The following SLC25A21 variants were observed in gnomAD, a reference collection of about 807,000 sequenced individuals.
SLC25A21 encodes solute carrier family 25 member 21, also known as mitochondrial 2-oxodicarboxylate carrier.
Under a neutral mutation model 43.8 loss-of-function variants are expected in SLC25A21, and 47 were observed. That is an observed-to-expected ratio of 1.07 (90% CI 0.85 to 1.37). SLC25A21 has a LOEUF of 1.37. Among genes scored for constraint, SLC25A21 ranks in the 40% most tolerant of loss-of-function variants. The probability of loss-of-function intolerance (pLI) is 0.00; values close to 1 mark genes in which losing one functional copy is unlikely to be tolerated. For synonymous variants in SLC25A21, 131 were observed against 121.3 expected, an observed-to-expected ratio of 1.08 and a Z score of -0.52; for missense variants, 352 against 350.2, an observed-to-expected ratio of 1.00 and a Z score of -0.04.
At chr14:36,929,353 T>A (rs1159994906) in intron 1 of SLC25A21, among the ~76,000 whole-genome samples, 1 of 152,204 alleles carries the variant, frequency 6.6e-6, no homozygotes, top group Non-Finnish European at 1.5e-5. Context: ...AACTAGTTTT[T>A]AACAGAGCCT....
At chr14:37,146,966 AT>A (rs1478363340) in intron 1 of SLC25A21, among the ~76,000 whole-genome samples, 1 of 152,154 alleles carries the variant, frequency 6.6e-6, no homozygotes, top group African/African-American at 2.4e-5. Flanking sequence ...TCCAACCTTA[AT>A]GCCTCCTAAT....
At chr14:37,047,819 G>GT (rs1326067600) in intron 1 of SLC25A21, among the ~76,000 whole-genome samples, 1 of 152,128 alleles carries the variant, frequency 6.6e-6, no homozygotes, top group Non-Finnish European at 1.5e-5. Flanking sequence ...GATTTCCAAT[G>GT]TATCACCCAC....
chr14:37,146,888 T>G lies in SLC25A21; in HGVS notation c.70+25393A>C, dbSNP rs562944976. 8.5e-5 allele frequency among the ~76,000 whole-genome samples: 13 copies of G among 152,332 alleles called. 1 individual carries two copies. The South Asian group carries it at 2.5e-3, about 29-fold the overall frequency. Reference sequence around the variant, plus strand: ...CAAAACATAAAAAATGCAGGTATTTTCCAATCTAGAAATAGTTAATTTGCT... The same window carrying G: ...CAAAACATAAAAAATGCAGGTATTTGCCAATCTAGAAATAGTTAATTTGCT... On this transcript the variant is annotated intron_variant, in intron 1 of 9. Coordinates refer to ENST00000331299, the MANE Select transcript of SLC25A21 (RefSeq NM_030631.4).
chr14:37,152,386 A>AATTT (rs10634222), intron 1 of SLC25A21, among the ~76,000 whole-genome samples: 1 of 140,714 alleles, frequency 7.1e-6, no homozygotes, highest in African/African-American at 2.7e-5. Flanking sequence ...TTTTATTTCA[A>AATTT]TTTTTTTTTT....
At chr14:37,160,528 G>A (rs1455558086) in intron 1 of SLC25A21, among the ~76,000 whole-genome samples, 1 of 152,174 alleles carries the variant, frequency 6.6e-6, no homozygotes, top group Non-Finnish European at 1.5e-5. Flanking sequence ...TGAACGCATG[G>A]AAGTAGAGTA....
At chr14:36,825,772 A>C (rs989050858) in intron 2 of SLC25A21, among the ~76,000 whole-genome samples, 3 of 152,204 alleles carry the variant, frequency 2.0e-5, no homozygotes, top group Non-Finnish European at 4.4e-5. Context: ...AATTAAACAT[A>C]ATGCATGCTT....
At chr14:36,833,713 A>G (rs2138484846) in intron 2 of SLC25A21, among the ~76,000 whole-genome samples, 1 of 152,350 alleles carries the variant, frequency 6.6e-6, no homozygotes, top group Admixed American at 6.5e-5. Context: ...AAGCAATAGT[A>G]AAAAGAATGT....
chr14:36,681,827 G>T (rs965898076), intron 9 of SLC25A21, among the ~76,000 whole-genome samples: 6 of 152,026 alleles, frequency 3.9e-5, no homozygotes, highest in African/African-American at 1.4e-4. Context: ...AACCCATGAA[G>T]ATACTCTATT....
chr14:36,875,875 A>G (rs1594659591), intron 1 of SLC25A21, among the ~76,000 whole-genome samples: 1 of 152,210 alleles, frequency 6.6e-6, no homozygotes, highest in Non-Finnish European at 1.5e-5. Context: ...GTAGTACAGT[A>G]GTATTAGGTA....
At chr14:36,754,878 C>T (rs1041763885) in intron 3 of SLC25A21, among the ~76,000 whole-genome samples, 3 of 152,062 alleles carry the variant, frequency 2.0e-5, no homozygotes, top group Admixed American at 6.5e-5. Context: ...GTAGCAAAAT[C>T]GGTGGCAAAG....
intron 1 of SLC25A21, among the ~76,000 whole-genome samples, chr14:37,131,192 C>T (rs1393500512): frequency 6.6e-6 from 1 of 152,108 alleles, no homozygotes; most frequent in African/African-American, 2.4e-5. Context: ...AGTTAAATGC[C>T]GGACTCCCTA....
At chr14:37,100,266 C>T (rs1470416977) in intron 1 of SLC25A21, among the ~76,000 whole-genome samples, 2 of 152,000 alleles carry the variant, frequency 1.3e-5, no homozygotes, top group Non-Finnish European at 2.9e-5. Flanking sequence ...ACCATGTTGG[C>T]CAGGCTGGTC....
intron 7 of SLC25A21, among the ~76,000 whole-genome samples, chr14:36,695,068 C>A (rs1165355094): frequency 6.6e-6 from 1 of 152,152 alleles, no homozygotes; most frequent in African/African-American, 2.4e-5. Flanking sequence ...TTTAATCCAT[C>A]TTGAATTAAT....
At chr14:36,727,788 T>C (rs1219833411) in intron 5 of SLC25A21, among the ~76,000 whole-genome samples, 1 of 152,198 alleles carries the variant, frequency 6.6e-6, no homozygotes, top group Non-Finnish European at 1.5e-5. Context: ...TTCATCTCCC[T>C]TCATTATAAT....
intron 1 of SLC25A21, among the ~76,000 whole-genome samples, chr14:37,007,726 C>T (rs531725386): frequency 7.2e-4 from 109 of 152,052 alleles, no homozygotes; most frequent in Non-Finnish European, 1.2e-3. Context: ...ATTATTGGCA[C>T]GCTTTACGGG....
At chr14:37,154,062 G>A (rs980249105) in intron 1 of SLC25A21, among the ~76,000 whole-genome samples, 2 of 152,066 alleles carry the variant, frequency 1.3e-5, no homozygotes, top group South Asian at 4.1e-4. Context: ...CCACCTAGAG[G>A]CCCAAAAATC....
chr14:37,032,757 T>C (rs1428958391), intron 1 of SLC25A21, among the ~76,000 whole-genome samples: 2 of 152,038 alleles, frequency 1.3e-5, no homozygotes, highest in Non-Finnish European at 2.9e-5. Context: ...GTCATAAAAT[T>C]AGAACTGGCA....
At chr14:37,162,674 C>T (rs1223930147) in intron 1 of SLC25A21, among the ~76,000 whole-genome samples, 1 of 152,158 alleles carries the variant, frequency 6.6e-6, no homozygotes, top group Non-Finnish European at 1.5e-5. Flanking sequence ...GAAATAGGAA[C>T]ACTTTTACAC....
intron 1 of SLC25A21, among the ~76,000 whole-genome samples, chr14:36,961,083 C>G (rs1389940076): frequency 6.6e-6 from 1 of 151,062 alleles, no homozygotes; most frequent in Non-Finnish European, 1.5e-5. Flanking sequence ...TGTGAGTGAG[C>G]TGGCAAAAAC....
Sources: gnomAD v4.1 joint callset for allele counts (sites outside exome capture counted in the v4.1 genomes callset) on GRCh38, gnomAD v4.1.1 for gene constraint, MANE v1.5 for transcripts, NCBI Gene and HGNC (gene_info 2026-07-23, HGNC 2026-07-21) for gene names.